The following DNAJB6 variants were observed in gnomAD, a reference collection of about 807,000 sequenced individuals.
DNAJB6 encodes the protein dnaJ homolog subfamily B member 6.
In DNAJB6, 16 loss-of-function variants were observed where a neutral mutation model predicts 42.7. The observed-to-expected ratio is 0.37, with a 90% CI of 0.25 to 0.57. The LOEUF is 0.57. Among genes scored for constraint, DNAJB6 ranks in the 20% least tolerant of loss-of-function variants. The pLI, the probability that DNAJB6 is intolerant of heterozygous loss-of-function variation, is 0.74. For synonymous variants in DNAJB6, 170 were observed against 163.5 expected, an observed-to-expected ratio of 1.04 and a Z score of -0.30; for missense variants, 347 against 416.8, an observed-to-expected ratio of 0.83 and a Z score of 1.46.
intron 1 of DNAJB6, among the ~76,000 whole-genome samples, chr7:157,341,661 T>C (rs1192007338): frequency 6.6e-6 from 1 of 152,214 alleles, no homozygotes; most frequent in African/African-American, 2.4e-5. Context: ...TGAGATGGCA[T>C]GTACCACTTG....
At chr7:157,403,384 A>T (rs79957295) in intron 8 of DNAJB6, among the ~76,000 whole-genome samples, 107 of 152,060 alleles carry the variant, frequency 7.0e-4, no homozygotes, top group Middle Eastern at 3.4e-3. Context: ...CAGGGTGAAA[A>T]CCCAACAACT....
intron 8 of DNAJB6, among the ~76,000 whole-genome samples, chr7:157,390,950 C>T (rs930833208): frequency 3.3e-5 from 5 of 152,204 alleles, no homozygotes; most frequent in African/African-American, 9.7e-5. Flanking sequence ...TTCCTCCCAC[C>T]TCAGCCCCTA....
intron 8 of DNAJB6, among the ~76,000 whole-genome samples, chr7:157,387,083 G>A (rs375936076): frequency 1.3e-5 from 2 of 152,216 alleles, no homozygotes; most frequent in South Asian, 2.1e-4. Flanking sequence ...AAACAGCGTA[G>A]CGTGTTCCAT....
At chr7:157,378,436 C>G (rs1354935058) in intron 5 of DNAJB6, 1 of 152,272 alleles carries the variant, frequency 6.6e-6, no homozygotes, top group Non-Finnish European at 1.5e-5. Context: ...TGGAGCCCCA[C>G]AGGAACGTTG....
intron 1 of DNAJB6, among the ~76,000 whole-genome samples, chr7:157,348,599 C>T (rs1273368441): frequency 6.6e-6 from 1 of 152,094 alleles, no homozygotes; most frequent in African/African-American, 2.4e-5. Flanking sequence ...GGAGCATCTT[C>T]GTAACCCTGC....
At chr7:157,386,740 T>A (rs1801081633) in intron 8 of DNAJB6, among the ~76,000 whole-genome samples, 1 of 152,002 alleles carries the variant, frequency 6.6e-6, no homozygotes, top group African/African-American at 2.4e-5. Context: ...AAAAATTAGC[T>A]GGGTGTGGTG....
chr7:157,362,975 G>C (rs1234229442), intron 2 of DNAJB6, among the ~76,000 whole-genome samples, 186 bp from the exon 3 acceptor site: 2 of 152,178 alleles, frequency 1.3e-5, no homozygotes, highest in African/African-American at 4.8e-5. Flanking sequence ...CACTACGCCT[G>C]GCTATCTGGA....
chr7:157,392,980 A>G (rs1392888656), intron 8 of DNAJB6, among the ~76,000 whole-genome samples: 2 of 151,790 alleles, frequency 1.3e-5, no homozygotes, highest in Non-Finnish European at 2.9e-5. Flanking sequence ...TATTATATTT[A>G]TTTTTTTGAG....
At chr7:157,352,580 G>T (rs1407266145) in intron 1 of DNAJB6, among the ~76,000 whole-genome samples, 1 of 152,042 alleles carries the variant, frequency 6.6e-6, no homozygotes, top group Non-Finnish European at 1.5e-5. Flanking sequence ...GAGTTCTCCT[G>T]ACTGTGCTCA....
At chr7:157,379,029 T>C (rs1374713413) in intron 5 of DNAJB6, 1 of 146,536 alleles carries the variant, frequency 6.8e-6, no homozygotes, top group Non-Finnish European at 1.6e-5. Flanking sequence ...TGTGAAAAAT[T>C]ATATTTAAGC....
intron 8 of DNAJB6, among the ~76,000 whole-genome samples, chr7:157,404,150 G>A (rs1203082373): frequency 6.7e-6 from 1 of 149,690 alleles, no homozygotes; most frequent in Non-Finnish European, 1.5e-5. Context: ...CTTTTTTTTT[G>A]TAGAGATGGG....
intron 5 of DNAJB6, 114 bp from the exon 6 acceptor site, chr7:157,382,130 TAA>T (rs1475605002): frequency 1.0e-5 from 12 of 1,194,406 alleles, no homozygotes; most frequent in East Asian, 2.7e-5. Context: ...TAAAACCTCT[TAA>T]GTTTTTTGTT....
chr7:157,396,457 T>C (rs1414018119), intron 8 of DNAJB6, among the ~76,000 whole-genome samples: 1 of 152,160 alleles, frequency 6.6e-6, no homozygotes, highest in African/African-American at 2.4e-5. Flanking sequence ...AACTAAAGAC[T>C]TTTCCTTTCT....
intron 5 of DNAJB6, among the ~76,000 whole-genome samples, chr7:157,367,741 C>T (rs982839602): frequency 2.6e-5 from 4 of 152,160 alleles, no homozygotes; most frequent in African/African-American, 7.2e-5. Context: ...TGCCTGTAAT[C>T]CCAGCTACTT....
chr7:157,368,775 T>G (rs1584907460), intron 5 of DNAJB6: 1 of 162,090 alleles, frequency 6.2e-6, no homozygotes, highest in African/African-American at 2.4e-5. Context: ...GGAAACACAT[T>G]GTATGTTTAC....
At chr7:157,361,308 G>A (rs1799578950) in intron 2 of DNAJB6, among the ~76,000 whole-genome samples, 1 of 152,048 alleles carries the variant, frequency 6.6e-6, no homozygotes, top group Admixed American at 6.6e-5. Context: ...GCAGGCGCCT[G>A]CCATGATGCC....
chr7:157,369,586 T>C (rs1584908661), intron 5 of DNAJB6: 1 of 323,350 alleles, frequency 3.1e-6, no homozygotes, highest in African/African-American at 2.2e-5. Flanking sequence ...AGGCCGTTTC[T>C]CAACATTATT....
At chr7:157,410,156 C>T in intron 9 of DNAJB6, 155 bp downstream of exon 9, 1 of 1,403,052 alleles carries the variant, frequency 7.1e-7, no homozygotes, top group Non-Finnish European at 9.2e-7. Context: ...CCTCGCTCTG[C>T]TCCTCTCCCG....
At chr7:157,354,944 TA>T (rs1371107378) in intron 1 of DNAJB6, among the ~76,000 whole-genome samples, 2 of 152,302 alleles carry the variant, frequency 1.3e-5, no homozygotes, top group African/African-American at 4.8e-5. Context: ...GGTCGTGTTC[TA>T]TTTAGGATGT....
Sources: gnomAD v4.1 joint callset for allele counts (sites outside exome capture counted in the v4.1 genomes callset) on GRCh38, gnomAD v4.1.1 for gene constraint, MANE v1.5 for transcripts, NCBI Gene and HGNC (gene_info 2026-07-23, HGNC 2026-07-21) for gene names.